The following CNTLN variants were observed in gnomAD, a reference collection of about 807,000 sequenced individuals.
CNTLN encodes centlein.
CNTLN carries 212 observed loss-of-function variants against 180.0 expected under a neutral mutation model. The observed-to-expected ratio is 1.18, with a 90% CI of 1.05 to 1.32. The LOEUF is 1.32. Ranked by LOEUF, CNTLN falls within the 40% of genes most tolerant of loss-of-function variation. The probability of loss-of-function intolerance (pLI) is 0.00; values close to 1 mark genes in which losing one functional copy is unlikely to be tolerated. For missense variants in CNTLN, 2,095 were observed against 1,610.9 expected, an observed-to-expected ratio of 1.30 and a Z score of -5.14; for synonymous variants, 722 against 563.1, an observed-to-expected ratio of 1.28 and a Z score of -3.99.
At chr9:17,321,605 C>T (rs1819917389) in intron 8 of CNTLN, among the ~76,000 whole-genome samples, 1 of 152,104 alleles carries the variant, frequency 6.6e-6, no homozygotes, top group South Asian at 2.1e-4. Context: ...TAGTAGTTAG[C>T]TTTATTTTCT....
chr9:17,144,751 C>G (rs561823241), intron 2 of CNTLN, among the ~76,000 whole-genome samples: 198 of 151,588 alleles, frequency 1.3e-3, no homozygotes, highest in Non-Finnish European at 1.8e-3. Context: ...TTGGAGATTA[C>G]TGCTTTATAA....
Position 17,249,345 on chromosome 9 carries a change from G to GTTTTTTT in CNTLN, c.849+12759_849+12765dup, listed in dbSNP as rs558059269. ...TCTTTGATCCATTGGTTCTTTGATT[G>GTTTTTTT]TTTTTTTTGTTTTTTTTTTTTGAGC... On this transcript the variant is annotated intron_variant, in intron 5 of 25. Transcript: ENST00000380647. Among the ~76,000 whole-genome samples the GTTTTTTT allele has an allele frequency of 1.1e-3, 139 of 124,908 alleles. 5 individuals are homozygous for GTTTTTTT. The highest frequency in any genetic ancestry group is 1.5e-3 in the African/African-American group (44 of 29,430). 81.9% of individuals were successfully genotyped at this position (124,908 alleles called of 152,430 possible).
chr9:17,409,572 A>C, intron 16 of CNTLN, 99 bp downstream of exon 16: 2 of 873,270 alleles, frequency 2.3e-6, no homozygotes, highest in Non-Finnish European at 3.4e-6. Context: ...TTTAATTTGA[A>C]TTCTTACAAG....
chr9:17,216,001 G>A (rs551115727), intron 2 of CNTLN, among the ~76,000 whole-genome samples: 3 of 152,188 alleles, frequency 2.0e-5, no homozygotes, highest in Admixed American at 6.5e-5. Flanking sequence ...TACACTTCCC[G>A]GGTGAGGCAG....
In CNTLN at chr9:17,302,955, C is replaced by T. The variant is rs933446415; in HGVS notation, c.1146+4603C>T. Among the ~76,000 whole-genome samples the T allele has an allele frequency of 2.0e-5, 3 of 152,264 alleles. No individual in the cohort carries two copies. In the South Asian group the frequency reaches 6.2e-4, roughly 32 times the overall value. On this transcript the variant is annotated intron_variant, in intron 7 of 25. Coordinates refer to ENST00000380647, the MANE Select transcript of CNTLN (RefSeq NM_017738.4). Reference sequence around the variant, plus strand: ...ATCGAGATAAAAATGTAAATTGCTCCTAGTAACCATATAATAATAATAGTT... The same window carrying T: ...ATCGAGATAAAAATGTAAATTGCTCTTAGTAACCATATAATAATAATAGTT...
intron 15 of CNTLN, among the ~76,000 whole-genome samples, chr9:17,402,316 G>A (rs1394892923): frequency 6.6e-6 from 1 of 151,774 alleles, no homozygotes; most frequent in African/African-American, 2.4e-5. Context: ...ATATGAACAG[G>A]TAGGGACAGC....
At chr9:17,225,987 A>T (rs1237497715) in intron 2 of CNTLN, among the ~76,000 whole-genome samples, 1 of 151,994 alleles carries the variant, frequency 6.6e-6, no homozygotes, top group African/African-American at 2.4e-5. Context: ...GTTTTATGTA[A>T]TTTTTATCAT....
intron 8 of CNTLN, among the ~76,000 whole-genome samples, chr9:17,317,336 A>T (rs1819603568): frequency 6.6e-6 from 1 of 152,184 alleles, no homozygotes; most frequent in African/African-American, 2.4e-5. Flanking sequence ...ATAAATAGAA[A>T]ATTTGAAAGT....
chr9:17,367,495 A>G (rs896607083), intron 13 of CNTLN, among the ~76,000 whole-genome samples: 2 of 152,110 alleles, frequency 1.3e-5, no homozygotes, highest in Non-Finnish European at 2.9e-5. Context: ...CATGTGACCT[A>G]CTGAGACACC....
intron 13 of CNTLN, among the ~76,000 whole-genome samples, chr9:17,370,959 G>A (rs13286365): frequency 0.24 from 37,043 of 151,508 alleles, 4,684 homozygotes; most frequent in South Asian, 0.34. Context: ...CAGTGGCTAC[G>A]CAAAAAATAA....
chr9:17,436,328 G>A (rs1829774988), intron 18 of CNTLN, among the ~76,000 whole-genome samples: 1 of 152,102 alleles, frequency 6.6e-6, no homozygotes, highest in Admixed American at 6.5e-5. Context: ...AAACTTTTTC[G>A]GCAATGGCAA....
At chr9:17,313,960 C>G (rs1819377477) in intron 8 of CNTLN, among the ~76,000 whole-genome samples, 1 of 152,162 alleles carries the variant, frequency 6.6e-6, no homozygotes, top group African/African-American at 2.4e-5. Flanking sequence ...TCTCAAACTC[C>G]TGACCTTAGG....
intron 5 of CNTLN, among the ~76,000 whole-genome samples, chr9:17,271,147 T>G (rs1420502769): frequency 2.0e-5 from 3 of 152,090 alleles, no homozygotes; most frequent in African/African-American, 7.2e-5. Flanking sequence ...AGATGGGGTT[T>G]CACCATGTTA....
At chr9:17,294,264 T>G (rs1246330150) in intron 6 of CNTLN, among the ~76,000 whole-genome samples, 1 of 152,060 alleles carries the variant, frequency 6.6e-6, no homozygotes, top group Non-Finnish European at 1.5e-5. Flanking sequence ...CTGCTGGCTC[T>G]GGCAGCCTGC....
intron 18 of CNTLN, among the ~76,000 whole-genome samples, chr9:17,421,260 A>G (rs1239992466): frequency 6.6e-6 from 1 of 152,158 alleles, no homozygotes; most frequent in East Asian, 1.9e-4. Context: ...GGTGCTGGAT[A>G]TATAGGTATT....
intron 7 of CNTLN, among the ~76,000 whole-genome samples, chr9:17,302,254 T>C (rs1235185929): frequency 6.6e-6 from 1 of 151,854 alleles, no homozygotes; most frequent in African/African-American, 2.4e-5. Flanking sequence ...TGGAGTGCAG[T>C]GGCACGATCT....
intron 8 of CNTLN, among the ~76,000 whole-genome samples, chr9:17,328,739 C>G (rs1006676724): frequency 6.6e-6 from 1 of 152,064 alleles, no homozygotes; most frequent in Non-Finnish European, 1.5e-5. Context: ...AAAGCTATTA[C>G]TTTAAAACAC....
At chr9:17,504,658 CAGAG>C (rs560714338), downstream of CNTLN, among the ~76,000 whole-genome samples, 2 of 152,006 alleles carry the variant, frequency 1.3e-5, no homozygotes, top group Non-Finnish European at 2.9e-5. Context: ...TAGGAAGAGT[CAGAG>C]AGAGAGAATA....
intron 18 of CNTLN, among the ~76,000 whole-genome samples, chr9:17,421,378 G>T (rs923199973): frequency 2.0e-5 from 3 of 151,784 alleles, no homozygotes; most frequent in Admixed American, 1.3e-4. Flanking sequence ...TATGATATAA[G>T]TATAGCTAGT....
Sources: gnomAD v4.1 joint callset for allele counts (sites outside exome capture counted in the v4.1 genomes callset) on GRCh38, gnomAD v4.1.1 for gene constraint, MANE v1.5 for transcripts, NCBI Gene and HGNC (gene_info 2026-07-23, HGNC 2026-07-21) for gene names.